The following ASCC1 variants were observed in gnomAD, a reference collection of about 807,000 sequenced individuals.
The protein encoded by ASCC1 is activating signal cointegrator 1 complex subunit 1.
Under a neutral mutation model 46.6 loss-of-function variants are expected in ASCC1, and 35 were observed. The observed-to-expected ratio is 0.75, with a 90% CI of 0.57 to 0.99. The LOEUF is 0.99. Ranked by LOEUF, ASCC1 falls within the 50% of genes least tolerant of loss-of-function variation. The probability of loss-of-function intolerance (pLI) is 0.00; values close to 1 mark genes in which losing one functional copy is unlikely to be tolerated. For missense variants in ASCC1, 376 were observed against 428.7 expected (o/e 0.88, Z 1.09); for synonymous variants, 143 against 146.6 (o/e 0.98, Z 0.18).
intron 5 of ASCC1, among the ~76,000 whole-genome samples, chr10:72,171,693 A>G (rs1007389189): frequency 3.9e-5 from 6 of 152,160 alleles, no homozygotes; most frequent in African/African-American, 1.4e-4. Flanking sequence ...CTGGGATTAC[A>G]TGCGTGAGCC....
chr10:72,132,114 C>T (rs1845682229), intron 8 of ASCC1, among the ~76,000 whole-genome samples: 1 of 152,054 alleles, frequency 6.6e-6, no homozygotes, highest in African/African-American at 2.4e-5. Context: ...AGTGATCCAC[C>T]CGCCTCAGCC....
At chr10:72,210,960 T>C in intron 2 of ASCC1, 129 bp from the exon 3 acceptor site, 1 of 780,024 alleles carries the variant, frequency 1.3e-6, no homozygotes, top group Non-Finnish European at 2.2e-6. Flanking sequence ...AGCCGGACAC[T>C]GTACATTCCA....
chr10:72,200,492 T>C (rs1359256381), intron 4 of ASCC1, among the ~76,000 whole-genome samples: 2 of 151,840 alleles, frequency 1.3e-5, no homozygotes, highest in African/African-American at 4.8e-5. Context: ...CTACTAAAAG[T>C]ACAAAAGTAG....
intron 6 of ASCC1, among the ~76,000 whole-genome samples, chr10:72,156,253 G>C (rs1589384028): frequency 1.3e-5 from 2 of 152,144 alleles, no homozygotes; most frequent in Non-Finnish European, 2.9e-5. Context: ...TATGTGATGT[G>C]CTTGATCCCC....
At chr10:72,189,246 A>C (rs1478622432) in intron 5 of ASCC1, among the ~76,000 whole-genome samples, 1 of 141,348 alleles carries the variant, frequency 7.1e-6, no homozygotes, top group East Asian at 2.0e-4. Context: ...TAAAAATACA[A>C]AAAAAAAAAA....
At chr10:72,209,240 T>C (rs879876168) in intron 3 of ASCC1, among the ~76,000 whole-genome samples, 1 of 151,322 alleles carries the variant, frequency 6.6e-6, no homozygotes, top group Non-Finnish European at 1.5e-5. Context: ...TCCCAACACT[T>C]TGGGAGACCA....
intron 7 of ASCC1, among the ~76,000 whole-genome samples, chr10:72,147,118 G>A (rs1230897293): frequency 1.3e-5 from 2 of 150,426 alleles, no homozygotes; most frequent in African/African-American, 4.9e-5. Flanking sequence ...AAATCTTTTT[G>A]AAATAATACA....
chr10:72,169,329 A>G (rs1489052849), intron 5 of ASCC1, among the ~76,000 whole-genome samples: 1 of 152,050 alleles, frequency 6.6e-6, no homozygotes, highest in Non-Finnish European at 1.5e-5. Context: ...AGTTCCAGCT[A>G]CTCAGGAGGC....
chr10:72,103,077 GT>G, intron 9 of ASCC1: 1 of 365,770 alleles, frequency 2.7e-6, no homozygotes, highest in South Asian at 2.0e-5. Flanking sequence ...GTAAACACAT[GT>G]GCCAGGAATT....
At chr10:72,177,870 A>T (rs1000515511) in intron 5 of ASCC1, among the ~76,000 whole-genome samples, 11 of 152,200 alleles carry the variant, frequency 7.2e-5, no homozygotes, top group Non-Finnish European at 1.5e-4. Context: ...TACCTTGCTA[A>T]TGTCTGTGAG....
chr10:72,118,700 T>A (rs11000176), intron 9 of ASCC1, among the ~76,000 whole-genome samples: 19,663 of 150,442 alleles, frequency 0.13, 4,020 homozygotes, highest in African/African-American at 0.43. Flanking sequence ...AATTGCTTGA[T>A]CCTGGGAGGC....
intron 9 of ASCC1, among the ~76,000 whole-genome samples, chr10:72,114,449 C>A (rs543537505): frequency 1.1e-4 from 16 of 152,116 alleles, no homozygotes; most frequent in Admixed American, 6.5e-4. Flanking sequence ...CATGGTGAAA[C>A]CCCGTCTCTA....
At chr10:72,111,153 T>C (rs771774056) in intron 9 of ASCC1, among the ~76,000 whole-genome samples, 1 of 152,080 alleles carries the variant, frequency 6.6e-6, no homozygotes, top group Non-Finnish European at 1.5e-5. Context: ...AGGGTTATCA[T>C]CTCCGTGCAT....
intron 5 of ASCC1, among the ~76,000 whole-genome samples, chr10:72,188,004 A>G (rs1853757447): frequency 6.6e-6 from 1 of 151,864 alleles, no homozygotes; most frequent in South Asian, 2.1e-4. Flanking sequence ...AGCTCAGGCC[A>G]TCTCTTGTAT....
intron 9 of ASCC1, among the ~76,000 whole-genome samples, chr10:72,106,053 A>T (rs976926745): frequency 6.6e-6 from 1 of 152,080 alleles, no homozygotes; most frequent in African/African-American, 2.4e-5. Flanking sequence ...TTCCCAAATG[A>T]GGCTCGCTCT....
chr10:72,158,323 T>A (rs1170821721), intron 6 of ASCC1, among the ~76,000 whole-genome samples: 1 of 152,220 alleles, frequency 6.6e-6, no homozygotes, highest in Non-Finnish European at 1.5e-5. Context: ...CTCTTTCTAG[T>A]CCCTTTAAAC....
At chr10:72,153,028 A>C (rs769694881) in intron 6 of ASCC1, 40 bp from the exon 7 acceptor site, 1 of 1,613,200 alleles carries the variant, frequency 6.2e-7, no homozygotes, top group South Asian at 1.1e-5. Context: ...TAACTGTTTA[A>C]GCTAAGAGGG....
At chr10:72,176,038 G>A (rs1427301934) in intron 5 of ASCC1, among the ~76,000 whole-genome samples, 3 of 152,212 alleles carry the variant, frequency 2.0e-5, no homozygotes, top group African/African-American at 7.2e-5. Context: ...GGCACTATGT[G>A]CCATGCTCTG....
chr10:72,119,977 C>T (rs1843991870), intron 9 of ASCC1, among the ~76,000 whole-genome samples: 2 of 152,204 alleles, frequency 1.3e-5, no homozygotes, highest in African/African-American at 4.8e-5. Context: ...TGGCTCACGC[C>T]TGTAATCCCA....
Sources: allele counts gnomAD v4.1 joint callset (sites outside exome capture counted in the v4.1 genomes callset), GRCh38; gene constraint gnomAD v4.1.1; transcripts MANE v1.5; gene names NCBI Gene and HGNC (gene_info 2026-07-23, HGNC 2026-07-21).